Variants in OXNAD1 observed in about 807,000 individuals in gnomAD.
OXNAD1 encodes the protein oxidoreductase NAD binding domain containing 1, also known as oxidoreductase NAD-binding domain-containing protein 1.
OXNAD1 carries 34 observed loss-of-function variants against 32.9 expected under a neutral mutation model. The observed-to-expected ratio is 1.03, with a 90% CI of 0.79 to 1.38. The LOEUF (loss-of-function observed/expected upper bound fraction) is 1.38, where lower values mean the gene tolerates loss of function less well. Ranked by LOEUF, OXNAD1 falls within the 40% of genes most tolerant of loss-of-function variation. The probability of loss-of-function intolerance (pLI) is 0.00; values close to 1 mark genes in which losing one functional copy is unlikely to be tolerated. For synonymous variants in OXNAD1, 134 were observed against 135.2 expected (o/e 0.99, Z 0.06); for missense variants, 407 against 379.4 (o/e 1.07, Z -0.60).
At chr3:16,318,848 G>C (rs2068724785) in intron 9 of OXNAD1, among the ~76,000 whole-genome samples, 1 of 152,176 alleles carries the variant, frequency 6.6e-6, no homozygotes, top group South Asian at 2.1e-4. Context: ...TTAGGAGATG[G>C]GTGGAGCTTC....
At position 16,289,604 on chromosome 3, in the gene OXNAD1, C is replaced by T. The variant is rs921538780; in HGVS notation, c.290+3156C>T. ...TGCCACACTGTAGATAGATAATATC[C>T]TTGCAACCTACACAAGCATGTGTGG... On this transcript the variant is annotated intron_variant, in intron 5 of 8. Coordinates refer to ENST00000285083, the MANE Select transcript of OXNAD1 (RefSeq NM_138381.5). This position sits in a 1 kb window ranked among gnomAD's most constrained non-coding sequence, Gnocchi z 4.9. 1.3e-5 allele frequency among the ~76,000 whole-genome samples: 2 copies of T among 150,250 alleles called. No individual in the cohort carries two copies. Among genetic ancestry groups the T allele is most frequent in the African/African-American group, 4.9e-5 (2 of 40,786 alleles).
chr3:16,332,107 C>G (rs555147145), intron 9 of OXNAD1, among the ~76,000 whole-genome samples: 24 of 152,078 alleles, frequency 1.6e-4, no homozygotes, highest in African/African-American at 4.3e-4. Context: ...CTTTTTTACT[C>G]AAAGGATTGT....
rs2064433652 is a variant in OXNAD1 at position 16,265,622 on chromosome 3, T to C, written c.-159+117T>C. Reference sequence around the variant, plus strand: ...TCTAGTCTTCTGTTTGCCAGGCTTATAACATTATTAACGACGATGATTTTT... The same window carrying C: ...TCTAGTCTTCTGTTTGCCAGGCTTACAACATTATTAACGACGATGATTTTT... On this transcript the variant is annotated intron_variant, in intron 1 of 8. Transcript: ENST00000285083. The surrounding 1 kb of genome is among the most constrained non-coding windows in gnomAD (Gnocchi z 4.8). 6.5e-6 allele frequency: 1 copy of C among 153,030 alleles called. No homozygotes were observed. The highest frequency in any genetic ancestry group is 1.5e-5 in the Non-Finnish European group (1 of 68,778). The allele number at this position is 153,030 out of a possible 1,614,324, so 9.5% of individuals were successfully genotyped here.
chr3:16,286,394 A>G lies in OXNAD1; in HGVS notation c.236A>G (p.Lys79Arg), dbSNP rs111522992. Residue 79 changes from lysine (K) to arginine (R), a missense_variant, in exon 5 of 9, where the codon AAG becomes AGG. Transcript: ENST00000285083. ...CGAASESPSV[K>R]SLRLLVADQD... ...GCTGCCAGTGAGTCACCGTCAGTGA[A>G]GAGCCTCCGCTTGCTTGTTGCTGAT... The G allele has an allele frequency of 5.6e-6, 9 of 1,613,862 alleles. No individual in the cohort carries two copies. The African/African-American group carries it at 9.3e-5, about 17-fold the overall frequency.
chr3:16,269,903 G>T (rs2064806798), intron 2 of OXNAD1, among the ~76,000 whole-genome samples: 1 of 152,204 alleles, frequency 6.6e-6, no homozygotes, highest in African/African-American at 2.4e-5. Context: ...GTTAAATGTG[G>T]CCATTTTAGA....
chr3:16,323,470 G>A (rs780208556), intron 9 of OXNAD1: 1 of 1,605,900 alleles, frequency 6.2e-7, no homozygotes, highest in Non-Finnish European at 8.5e-7. Flanking sequence ...GTAACACACG[G>A]AGCTGAGAAT....
downstream of OXNAD1, among the ~76,000 whole-genome samples, chr3:16,341,135 G>A (rs747333809): frequency 1.3e-5 from 2 of 152,194 alleles, no homozygotes; most frequent in Non-Finnish European, 2.9e-5. The surrounding 1 kb of genome is among the most constrained non-coding windows in gnomAD (Gnocchi z 4.7). Context: ...GAATGGCCAA[G>A]ATCCAAAACA....
chr3:16,265,897 C>T lies in OXNAD1; in HGVS notation c.-159+392C>T. 2.0e-6 allele frequency: 2 copies of T among 985,254 alleles called. No individual in the cohort carries two copies. Among genetic ancestry groups the T allele is most frequent in the Non-Finnish European group, 2.4e-6 (2 of 829,804 alleles). The allele number at this position is 985,254 out of a possible 1,614,324, so 61.0% of individuals were successfully genotyped here. ...TTTTTCGTTGTGAAAGAAATGGTGTCAGTAGGCAGGTTTATCAGTGTGAGG... is the reference window on the plus strand; with the variant it reads ...TTTTTCGTTGTGAAAGAAATGGTGTTAGTAGGCAGGTTTATCAGTGTGAGG... On this transcript the variant is annotated intron_variant, in intron 1 of 8. Coordinates refer to ENST00000285083, the MANE Select transcript of OXNAD1 (RefSeq NM_138381.5). The surrounding 1 kb of genome is among the most constrained non-coding windows in gnomAD (Gnocchi z 4.8).
At chr3:16,266,602 CAAA>C (rs77883979) in intron 1 of OXNAD1, among the ~76,000 whole-genome samples, 7 of 73,078 alleles carry the variant, frequency 9.6e-5, no homozygotes, top group Non-Finnish European at 7.5e-5. Context: ...GACGCTGTCT[CAAA>C]AAAAAAAAAA....
At chr3:16,331,505 C>T (rs917743446) in intron 9 of OXNAD1, among the ~76,000 whole-genome samples, 16 of 151,906 alleles carry the variant, frequency 1.1e-4, no homozygotes, top group African/African-American at 2.4e-5. Flanking sequence ...TTTATATAAC[C>T]CTCTGTTTTT....
chr3:16,335,944 G>A lies in OXNAD1; in HGVS notation c.*31-1168G>A, dbSNP rs1365948247. ...CAGCAAGGACTGGTGGCAGCTGCTA[G>A]TGCAGAGGAGGCAGAGCATGCTGGC... On this transcript the variant is annotated intron_variant, in intron 9 of 9. Coordinates refer to the OXNAD1 transcript ENST00000435829. This position sits in a 1 kb window ranked among gnomAD's most constrained non-coding sequence, Gnocchi z 4.7. Among the ~76,000 whole-genome samples, 1 of 152,248 alleles carries A rather than the reference G, an allele frequency of 6.6e-6. No individual in the cohort carries two copies. Among genetic ancestry groups the A allele is most frequent in the African/African-American group, 2.4e-5 (1 of 41,472 alleles).
At position 16,315,488 on chromosome 3, in the gene OXNAD1, A is replaced by G. The variant is rs559187149; in HGVS notation, c.*30+11896A>G. The G allele has an allele frequency of 3.3e-5, 5 of 149,804 alleles. No homozygotes were observed. The South Asian group carries it at 1.0e-3, about 31-fold the overall frequency. 9.3% of individuals were successfully genotyped at this position (149,804 alleles called of 1,614,324 possible). A position where few individuals can be genotyped will look rare whatever the true frequency, so the allele number is the denominator to read the frequency against. ...CACTAATTTAAAAAGTTATTCAGAA[A>G]TAACTTGCCTCACTAATTTACTTAA... On this transcript the variant is annotated intron_variant, in intron 9 of 9. Coordinates refer to the OXNAD1 transcript ENST00000435829.
chr3:16,273,912 A>G (rs1202238806), intron 4 of OXNAD1, among the ~76,000 whole-genome samples: 1 of 152,144 alleles, frequency 6.6e-6, no homozygotes, highest in African/African-American at 2.4e-5. Flanking sequence ...TCTGTTTCCT[A>G]ATAAAAGACC....
chr3:16,278,340 G>A (rs1406602110), intron 4 of OXNAD1, among the ~76,000 whole-genome samples: 1 of 152,254 alleles, frequency 6.6e-6, no homozygotes, highest in East Asian at 1.9e-4. Context: ...TTATGTGTAT[G>A]TTGCCTTTTT....
At position 16,269,138 on chromosome 3, in the gene OXNAD1, A is replaced by G; in HGVS notation, c.-146A>G. The G allele has an allele frequency of 6.7e-7, 1 of 1,486,286 alleles. No individual in the cohort carries two copies. Among genetic ancestry groups the G allele is most frequent in the South Asian group, 1.3e-5 (1 of 76,262 alleles). 92.1% of individuals were successfully genotyped at this position (1,486,286 alleles called of 1,614,324 possible). On this transcript the variant is annotated 5_prime_UTR_variant, in exon 2 of 9. Coordinates refer to ENST00000285083, the MANE Select transcript of OXNAD1 (RefSeq NM_138381.5). ...TGTGCCATTGCAGGAACTTTGTGAG[A>G]ATTTTAATGCATGGAAAAGCTGTCC...
intron 5 of OXNAD1, among the ~76,000 whole-genome samples, chr3:16,286,823 A>G (rs2066108075): frequency 2.6e-5 from 4 of 152,220 alleles, no homozygotes; most frequent in African/African-American, 9.6e-5. Context: ...CAGGAGATTC[A>G]TAGGTTTTTT....
In OXNAD1 at chr3:16,344,425, G is replaced by A. The variant is rs552891260; in HGVS notation, c.*31-4751G>A. ...AAAAACAGATACATTCAGAAAAGGC[G>A]GCTCTGGTTGACACTGGCATGGGTG... On this transcript the variant is annotated intron_variant, in intron 9 of 9. Coordinates refer to the OXNAD1 transcript ENST00000606098. This position sits in a 1 kb window ranked among gnomAD's most constrained non-coding sequence, Gnocchi z 4.4. Among the ~76,000 whole-genome samples, 29 of 152,036 alleles carry A rather than the reference G, an allele frequency of 1.9e-4. No homozygotes were observed. The highest frequency in any genetic ancestry group is 4.8e-4 in the African/African-American group (20 of 41,430).
rs371463355 is a variant in OXNAD1, at chr3:16,284,854, A to G, written c.184-1488A>G. ...TGCAGAGCCCATGCTGTTAACAGCC[A>G]TATTCTGCTGCTTACTTTATTTTGT... On this transcript the variant is annotated intron_variant, in intron 4 of 8. Coordinates refer to ENST00000285083, the MANE Select transcript of OXNAD1 (RefSeq NM_138381.5). The surrounding 1 kb of genome is among the most constrained non-coding windows in gnomAD (Gnocchi z 4.1). 5.3e-5 allele frequency among the ~76,000 whole-genome samples: 8 copies of G among 152,268 alleles called. No individual in the cohort carries two copies. Among genetic ancestry groups the G allele is most frequent in the Admixed American group, 3.9e-4 (6 of 15,284 alleles).
chr3:16,307,341 C>T (rs932538349), downstream of OXNAD1, among the ~76,000 whole-genome samples: 9 of 152,076 alleles, frequency 5.9e-5, no homozygotes, highest in South Asian at 2.1e-4. Flanking sequence ...GGGCTCTTAA[C>T]GTGCAAAAAG....
Sources: allele counts gnomAD v4.1 joint callset (sites outside exome capture counted in the v4.1 genomes callset), GRCh38; gene constraint gnomAD v4.1.1; non-coding constraint Gnocchi (gnomAD v3.1); transcripts MANE v1.5; gene names NCBI Gene and HGNC (gene_info 2026-07-23, HGNC 2026-07-21).